The following FUT8 variants were observed in gnomAD, a reference collection of about 807,000 sequenced individuals.
The protein encoded by FUT8 is fucosyltransferase 8.
FUT8 carries 29 observed loss-of-function variants against 71.3 expected under a neutral mutation model. The ratio of observed to expected loss-of-function variants is 0.41; its 90% CI spans 0.30 to 0.55. FUT8 has a LOEUF of 0.55. Among genes scored for constraint, FUT8 ranks in the 20% least tolerant of loss-of-function variants. FUT8 has a pLI of 0.34. For missense variants in FUT8, 544 were observed against 702.1 expected (o/e 0.77, Z 2.55); for synonymous variants, 254 against 239.3 (o/e 1.06, Z -0.57).
chr14:65,629,847 C>CAG lies in FUT8; in HGVS notation c.597+242_597+243insGA, dbSNP rs1890091370. Among the ~76,000 whole-genome samples, 3 of 151,374 alleles carry CAG rather than the reference C, an allele frequency of 2.0e-5. No individual in the cohort carries two copies. The South Asian group carries it at 6.3e-4, about 32-fold the overall frequency. On this transcript the variant is annotated intron_variant, in intron 6 of 10. Transcript: ENST00000673929. ...ACACACGTACACACACACACACACA[C>CAG]ACACACACACAATACAATACAAATA...
At position 65,743,232 on chromosome 14, in the gene FUT8, G is replaced by C. The variant is rs987738195; in HGVS notation, c.*822G>C. 7 of 151,994 alleles carry C rather than the reference G, an allele frequency of 4.6e-5. No individual in the cohort carries two copies. Among genetic ancestry groups the C allele is most frequent in the Non-Finnish European group, 1.5e-5 (1 of 67,870 alleles). The allele number at this position is 151,994 out of a possible 1,614,324, so 9.4% of individuals were successfully genotyped here. The stretch of plus-strand genomic sequence containing the variant: ...CTGTGATAAAAAGAGGAGCTTTTTA[G>C]TTTTTCAGCTTATTTACTTTGTTTT... On this transcript the variant is annotated 3_prime_UTR_variant, in exon 11 of 11. Coordinates refer to ENST00000673929, the MANE Select transcript of FUT8 (RefSeq NM_001371533.1).
intron 7 of FUT8, among the ~76,000 whole-genome samples, chr14:65,697,611 A>G: frequency 6.6e-6 from 1 of 152,228 alleles, no homozygotes; most frequent in East Asian, 1.9e-4. Context: ...ATGTTTTATT[A>G]TAATGATAGT....
the FUT8 span, among the ~76,000 whole-genome samples, chr14:65,394,750 C>CTT: frequency 0.56 from 74,443 of 132,292 alleles, 21,316 homozygotes; most frequent in East Asian, 0.75. Context: ...GCAGTCAAAT[C>CTT]TTTTTTTTTT....
intron 2 of FUT8, among the ~76,000 whole-genome samples, chr14:65,519,100 G>A (rs138116263): frequency 3.8e-4 from 58 of 152,196 alleles, no homozygotes; most frequent in Non-Finnish European, 6.6e-4. Context: ...TGTAATAGGC[G>A]CTTAAAAATA....
At chr14:65,417,220 C>T (rs892948981) in intron 1 of FUT8, among the ~76,000 whole-genome samples, 1 of 152,130 alleles carries the variant, frequency 6.6e-6, no homozygotes, top group African/African-American at 2.4e-5. Context: ...CTCCCACAGG[C>T]GTGAGCTACC....
At chr14:65,639,389 T>C (rs957290356) in intron 6 of FUT8, among the ~76,000 whole-genome samples, 7 of 152,124 alleles carry the variant, frequency 4.6e-5, no homozygotes, top group African/African-American at 9.7e-5. Context: ...TATTTGGATA[T>C]ACTGGGCATT....
intron 9 of FUT8, among the ~76,000 whole-genome samples, chr14:65,728,082 C>A (rs562749364): frequency 8.6e-4 from 131 of 152,282 alleles, no homozygotes; most frequent in African/African-American, 3.1e-3. Context: ...GCATTTTGGG[C>A]AAAGCCATTC....
chr14:65,421,254 T>A (rs2065290241), intron 1 of FUT8, among the ~76,000 whole-genome samples: 1 of 148,804 alleles, frequency 6.7e-6, no homozygotes, highest in Admixed American at 6.7e-5. Flanking sequence ...CTTCATTAAG[T>A]GGAAGTGGAT....
intron 2 of FUT8, among the ~76,000 whole-genome samples, chr14:65,551,469 G>GT (rs1885278906): frequency 6.6e-6 from 1 of 152,156 alleles, no homozygotes; most frequent in East Asian, 1.9e-4. Flanking sequence ...TTTGTACAGC[G>GT]TGGTGCCTAT....
intron 9 of FUT8, among the ~76,000 whole-genome samples, chr14:65,729,034 GTTTTTTTTTTTT>G (rs557668131): frequency 6.8e-5 from 7 of 103,664 alleles, no homozygotes; most frequent in African/African-American, 1.9e-4. Flanking sequence ...TTGTAAACAT[GTTTTTTTTTTTT>G]TTTTTTTTTT....
At chr14:65,618,051 A>ATATGTATGTATG (rs1164131346) in intron 5 of FUT8, among the ~76,000 whole-genome samples, 2 of 84,294 alleles carry the variant, frequency 2.4e-5, no homozygotes, top group African/African-American at 7.8e-5. Context: ...ATATATATAT[A>ATATGTATGTATG]TATGTATGTA....
At chr14:65,615,498 A>T (rs1410096170) in intron 3 of FUT8, among the ~76,000 whole-genome samples, 1 of 152,242 alleles carries the variant, frequency 6.6e-6, no homozygotes, top group African/African-American at 2.4e-5. Context: ...ATGAATTGAA[A>T]GACAGATTTA....
chr14:65,683,863 C>G (rs1053859542), intron 7 of FUT8, among the ~76,000 whole-genome samples: 60 of 151,926 alleles, frequency 3.9e-4, no homozygotes, highest in African/African-American at 1.3e-3. Flanking sequence ...CAAGCTGTTT[C>G]TTTTTCTGAA....
intron 7 of FUT8, among the ~76,000 whole-genome samples, chr14:65,677,151 T>TGTGTGTGTGGGTGCGCGCGCGC: frequency 9.0e-6 from 1 of 110,744 alleles, no homozygotes; most frequent in Non-Finnish European, 1.8e-5. Flanking sequence ...TGTGTGTGTG[T>TGTGTGTGTGGGTGCGCGCGCGC]GCGCGCGCGC....
At chr14:65,497,459 C>G (rs1594701142) in intron 2 of FUT8, among the ~76,000 whole-genome samples, 1 of 152,176 alleles carries the variant, frequency 6.6e-6, no homozygotes, top group Non-Finnish European at 1.5e-5. Context: ...TAAGCTTAAT[C>G]ATAATTCTTA....
intron 2 of FUT8, among the ~76,000 whole-genome samples, chr14:65,540,400 G>A (rs1884605776): frequency 6.6e-6 from 1 of 152,172 alleles, no homozygotes; most frequent in African/African-American, 2.4e-5. Flanking sequence ...CAGCTGGGAA[G>A]GCATACCTTT....
intron 3 of FUT8, among the ~76,000 whole-genome samples, chr14:65,596,763 T>C (rs1411214086): frequency 6.6e-6 from 1 of 152,116 alleles, no homozygotes; most frequent in East Asian, 1.9e-4. Flanking sequence ...AAATGCATGG[T>C]TGTTTTCTCT....
At chr14:65,678,915 G>C (rs1435575140) in intron 7 of FUT8, among the ~76,000 whole-genome samples, 1 of 152,166 alleles carries the variant, frequency 6.6e-6, no homozygotes, top group African/African-American at 2.4e-5. Flanking sequence ...GACCAGCAGA[G>C]ATTATGTAAG....
Position 65,456,426 on chromosome 14 carries a change from T to G in FUT8, c.-228+708T>G, listed in dbSNP as rs923162054. ...TGCATCAGTAGTTGTGTATCAGTAG[T>G]TTGTCCTTTTTTATTGCTGAGTAGT... On this transcript the variant is annotated intron_variant, in intron 2 of 10. Transcript: ENST00000673929. Among the ~76,000 whole-genome samples, 22 of 152,324 alleles carry G rather than the reference T, an allele frequency of 1.4e-4. No homozygotes were observed. The South Asian group carries it at 4.4e-3, about 30-fold the overall frequency.
Sources: gnomAD v4.1 joint callset for allele counts (sites outside exome capture counted in the v4.1 genomes callset) on GRCh38, gnomAD v4.1.1 for gene constraint, MANE v1.5 for transcripts, NCBI Gene and HGNC (gene_info 2026-07-23, HGNC 2026-07-21) for gene names.